Variants in TGFB1 observed in about 807,000 individuals in gnomAD.
TGFB1 encodes the protein transforming growth factor beta 1.
Under a neutral mutation model 43.8 loss-of-function variants are expected in TGFB1, and 19 were observed. The observed-to-expected ratio is 0.43, with a 90% CI of 0.30 to 0.64. The LOEUF is 0.64. TGFB1 is among the 30% of genes least tolerant of loss of function. The pLI, the probability that TGFB1 is intolerant of heterozygous loss-of-function variation, is 0.11. For synonymous variants in TGFB1, 221 were observed against 236.3 expected, an observed-to-expected ratio of 0.94 and a Z score of 0.60; for missense variants, 445 against 529.8, an observed-to-expected ratio of 0.84 and a Z score of 1.57.
chr19:41,332,396 A>G (rs2037943699), intron 5 of TGFB1, 115 bp from the exon 6 acceptor site: 8 of 1,238,846 alleles, frequency 6.5e-6, no homozygotes, highest in Non-Finnish European at 9.0e-6. Context: ...CCCTATCTCC[A>G]TCTGGGTCTC....
intron 5 of TGFB1, among the ~76,000 whole-genome samples, 194 bp downstream of exon 5, chr19:41,341,689 C>T (rs569699536): frequency 1.4e-4 from 22 of 152,158 alleles, no homozygotes; most frequent in African/African-American, 4.6e-4. Context: ...GGATTACAGG[C>T]GTGAGCCACC....
intron 3 of TGFB1, among the ~76,000 whole-genome samples, chr19:41,343,980 CTTTTTTTTTTT>C (rs3061192): frequency 3.0e-5 from 3 of 98,638 alleles, no homozygotes; most frequent in African/African-American, 1.3e-4. Context: ...TGCCTGGAAT[CTTTTTTTTTTT>C]TTTTTTTTTG....
At chr19:41,338,654 T>C (rs6508975) in intron 5 of TGFB1, among the ~76,000 whole-genome samples, 56,242 of 151,256 alleles carry the variant, frequency 0.37, 10,767 homozygotes, top group African/African-American at 0.46. Context: ...GCCTGGGCAA[T>C]ACGGTGAAAC....
chr19:41,334,786 T>C (rs1383904005), intron 5 of TGFB1, among the ~76,000 whole-genome samples: 2 of 151,386 alleles, frequency 1.3e-5, no homozygotes, highest in African/African-American at 4.9e-5. Flanking sequence ...GTCAAGAAAC[T>C]GAGATCCCTG....
intron 3 of TGFB1, 121 bp from the exon 4 acceptor site, chr19:41,342,368 T>G: frequency 6.7e-6 from 5 of 742,192 alleles, no homozygotes; most frequent in Non-Finnish European, 6.8e-6. Context: ...CACCCCACTC[T>G]GCCCTCTCAC....
At chr19:41,351,893 A>G (rs1431953272) in intron 1 of TGFB1, among the ~76,000 whole-genome samples, 2 of 150,720 alleles carry the variant, frequency 1.3e-5, no homozygotes, top group African/African-American at 2.4e-5. Context: ...AGCCCTTCCC[A>G]TGACCCAGGA....
chr19:41,338,579 C>T (rs1017672988), intron 5 of TGFB1, among the ~76,000 whole-genome samples: 4 of 151,764 alleles, frequency 2.6e-5, no homozygotes, highest in Admixed American at 2.6e-4. Context: ...TGGCTCATGC[C>T]TGTAATCCTA....
intron 1 of TGFB1, among the ~76,000 whole-genome samples, chr19:41,352,173 C>T (rs1006197552): frequency 6.6e-6 from 1 of 152,068 alleles, no homozygotes; most frequent in Non-Finnish European, 1.5e-5. Flanking sequence ...TCTCACTTTC[C>T]TGGCACCCTC....
chr19:41,349,857 CTAT>C (rs1173553079), intron 1 of TGFB1, among the ~76,000 whole-genome samples: 3 of 152,130 alleles, frequency 2.0e-5, no homozygotes, highest in Admixed American at 6.6e-5. Context: ...CAACCTTATA[CTAT>C]TATTATACCC....
intron 2 of TGFB1, among the ~76,000 whole-genome samples, chr19:41,346,554 C>T (rs538367687): frequency 1.3e-5 from 2 of 152,142 alleles, no homozygotes; most frequent in African/African-American, 4.8e-5. Context: ...GCTAGAGCCT[C>T]CAGCCCTTCC....
rs770307128 is a variant in TGFB1, at chr19:41,348,376, A to C, written c.435T>G (p.Pro145=). ...CTGCCCGGGAGAGCAACACGGGTTCAGGTACCGCTTCTCGGAGCTCTGATG... is the reference window on the plus strand; with the variant it reads ...CTGCCCGGGAGAGCAACACGGGTTCCGGTACCGCTTCTCGGAGCTCTGATG... ...FNTSELREAV[P]EPVLLSRAEL... Residue 145 remains proline (P), a synonymous_variant, in exon 2 of 7, where the codon CCT becomes CCG. Transcript: ENST00000221930. 1 of 1,613,552 alleles carries C rather than the reference A, an allele frequency of 6.2e-7. No homozygotes were observed. Among genetic ancestry groups the C allele is most frequent in the Admixed American group, 1.7e-5 (1 of 59,960 alleles).
intron 1 of TGFB1, among the ~76,000 whole-genome samples, chr19:41,349,748 C>G (rs1382386065): frequency 6.6e-6 from 1 of 152,080 alleles, no homozygotes; most frequent in Non-Finnish European, 1.5e-5. Flanking sequence ...CAGAGTAAGA[C>G]TCTGTCTCAA....
rs2037920827 is a variant in TGFB1 at position 41,330,858 on chromosome 19, G to A, written c.*194C>T. On this transcript the variant is annotated 3_prime_UTR_variant, in exon 7 of 7. Coordinates refer to ENST00000221930, the MANE Select transcript of TGFB1 (RefSeq NM_000660.7). ...AGGGAGAGAGAGGGAGTGGGAGTGG[G>A]GGAACGTCAGGGATGGAGACCCCAG... is the stretch of plus-strand genomic sequence containing the variant. 2 of 528,438 alleles carry A rather than the reference G, an allele frequency of 3.8e-6. No individual in the cohort carries two copies. The highest frequency in any genetic ancestry group is 6.7e-6 in the Non-Finnish European group (2 of 300,054). The allele number at this position is 528,438 out of a possible 1,614,324, so 32.7% of individuals were successfully genotyped here. A position where few individuals can be genotyped will look rare whatever the true frequency, so the allele number is the denominator to read the frequency against.
At chr19:41,331,317 C>T (rs1163169214) in intron 6 of TGFB1, 107 bp from the exon 7 acceptor site, 11 of 1,331,412 alleles carry the variant, frequency 8.3e-6, no homozygotes, top group Non-Finnish European at 9.9e-7. Context: ...CTCACTTCGT[C>T]TCTCCCCGCA....
intron 2 of TGFB1, among the ~76,000 whole-genome samples, chr19:41,345,246 C>T (rs1255501342): frequency 6.6e-6 from 1 of 152,230 alleles, no homozygotes; most frequent in African/African-American, 2.4e-5. Flanking sequence ...CCTGTAATCC[C>T]AGCACTTTGG....
At chr19:41,339,853 C>G (rs2278422) in intron 5 of TGFB1, among the ~76,000 whole-genome samples, 66,017 of 151,824 alleles carry the variant, frequency 0.43, 15,839 homozygotes, top group East Asian at 0.97. Context: ...TCATTGACAG[C>G]GTTGCTGGGC....
chr19:41,342,354 C>A (rs911525974), intron 3 of TGFB1, 107 bp from the exon 4 acceptor site: 2 of 1,035,198 alleles, frequency 1.9e-6, no homozygotes, highest in Non-Finnish European at 2.9e-6. Flanking sequence ...CTGCCTCCCC[C>A]ACCCACCCCA....
intron 5 of TGFB1, among the ~76,000 whole-genome samples, chr19:41,335,994 G>GTTT (rs373830946): frequency 5.9e-5 from 8 of 134,926 alleles, no homozygotes; most frequent in African/African-American, 5.6e-5. Context: ...TCCTATGAAA[G>GTTT]TTTTTTTTTT....
intron 5 of TGFB1, 29 bp downstream of exon 5, chr19:41,341,854 A>G (rs1181937912): frequency 6.2e-7 from 1 of 1,612,376 alleles, no homozygotes; most frequent in South Asian, 1.1e-5. Context: ...CCCAGCCTGG[A>G]AGGCCTCCAT....
Sources: allele counts gnomAD v4.1 joint callset (sites outside exome capture counted in the v4.1 genomes callset), GRCh38; gene constraint gnomAD v4.1.1; transcripts MANE v1.5; gene names NCBI Gene and HGNC (gene_info 2026-07-23, HGNC 2026-07-21).